HCN1: variants seen among roughly 807,000 people sequenced by gnomAD.
The protein encoded by HCN1 is potassium/sodium hyperpolarization-activated cyclic nucleotide-gated channel 1.
Under a neutral mutation model 78.9 loss-of-function variants are expected in HCN1, and 13 were observed. The ratio of observed to expected loss-of-function variants is 0.16; its 90% CI spans 0.11 to 0.26. The LOEUF is 0.26. Ranked by LOEUF, HCN1 falls within the 10% of genes least tolerant of loss-of-function variation. The pLI is 1.00. For missense variants in HCN1, 810 were observed against 1,154.3 expected, an observed-to-expected ratio of 0.70 and a Z score of 4.32; for synonymous variants, 552 against 455.5, an observed-to-expected ratio of 1.21 and a Z score of -2.70.
At chr5:45,387,455 T>A (rs1470439174) in intron 4 of HCN1, among the ~76,000 whole-genome samples, 1 of 152,124 alleles carries the variant, frequency 6.6e-6, no homozygotes, top group Non-Finnish European at 1.5e-5. Context: ...ATAAATATTT[T>A]ACATACTGAA....
At chr5:45,453,857 T>C (rs1365902076) in intron 3 of HCN1, among the ~76,000 whole-genome samples, 1 of 152,150 alleles carries the variant, frequency 6.6e-6, no homozygotes, top group African/African-American at 2.4e-5. Flanking sequence ...GAGAACTAAG[T>C]CTAGCAAATT....
intron 2 of HCN1, among the ~76,000 whole-genome samples, chr5:45,509,085 C>T (rs1188754780): frequency 6.6e-6 from 1 of 152,080 alleles, no homozygotes; most frequent in Non-Finnish European, 1.5e-5. Flanking sequence ...ATGACTGATA[C>T]ACAACATGCT....
chr5:45,588,342 T>C (rs538561762), intron 2 of HCN1, among the ~76,000 whole-genome samples: 1 of 152,314 alleles, frequency 6.6e-6, no homozygotes, highest in Non-Finnish European at 1.5e-5. Context: ...TTATGTTGCA[T>C]TGGCCACTCG....
At chr5:45,549,504 G>A (rs1212195293) in intron 2 of HCN1, among the ~76,000 whole-genome samples, 1 of 152,122 alleles carries the variant, frequency 6.6e-6, no homozygotes, top group Admixed American at 6.6e-5. Flanking sequence ...ATCCAAGATG[G>A]ATTAAAGACT....
chr5:45,456,932 G>A (rs1268586337), intron 3 of HCN1, among the ~76,000 whole-genome samples: 1 of 152,004 alleles, frequency 6.6e-6, no homozygotes, highest in African/African-American at 2.4e-5. Context: ...ATTATTTGAT[G>A]TAACTCCTCA....
intron 2 of HCN1, among the ~76,000 whole-genome samples, chr5:45,612,900 G>A (rs948914591): frequency 9.9e-5 from 15 of 152,084 alleles, no homozygotes; most frequent in Non-Finnish European, 7.4e-5. Context: ...ACTAAATATC[G>A]GAAGATGCAT....
chr5:45,311,472 T>G (rs1426678617), intron 5 of HCN1, among the ~76,000 whole-genome samples: 1 of 152,140 alleles, frequency 6.6e-6, no homozygotes, highest in Non-Finnish European at 1.5e-5. Context: ...AATTGATAAT[T>G]TTTGCTAATA....
At chr5:45,334,707 G>A (rs565253078) in intron 5 of HCN1, among the ~76,000 whole-genome samples, 46 of 152,004 alleles carry the variant, frequency 3.0e-4, no homozygotes, top group Admixed American at 1.4e-3. Flanking sequence ...CATGGACAAC[G>A]CTCTAGGCCA....
intron 2 of HCN1, among the ~76,000 whole-genome samples, chr5:45,588,050 G>C (rs548669775): frequency 2.4e-4 from 36 of 152,244 alleles, no homozygotes; most frequent in African/African-American, 8.4e-4. Flanking sequence ...CTTCAGAATT[G>C]TGAGAGATAC....
At chr5:45,440,275 G>A (rs1561155912) in intron 3 of HCN1, among the ~76,000 whole-genome samples, 1 of 151,972 alleles carries the variant, frequency 6.6e-6, no homozygotes, top group Non-Finnish European at 1.5e-5. Flanking sequence ...TTAGAATGTA[G>A]AACTCCCAGG....
chr5:45,449,266 C>A (rs777818831), intron 3 of HCN1, among the ~76,000 whole-genome samples: 1 of 152,120 alleles, frequency 6.6e-6, no homozygotes, highest in African/African-American at 2.4e-5. Context: ...ATAAGAGAAC[C>A]AGTAGAGGAA....
intron 1 of HCN1, among the ~76,000 whole-genome samples, chr5:45,692,947 C>T (rs548170783): frequency 6.6e-6 from 1 of 152,162 alleles, no homozygotes; most frequent in South Asian, 2.1e-4. Context: ...GTAATAACTC[C>T]CCACTCTTCA....
At chr5:45,651,303 A>G (rs1326820617) in intron 1 of HCN1, among the ~76,000 whole-genome samples, 2 of 152,034 alleles carry the variant, frequency 1.3e-5, no homozygotes, top group African/African-American at 4.8e-5. Context: ...ATACAGCCAT[A>G]GTGTGCTGCT....
At chr5:45,281,742 C>A (rs1745173354) in intron 6 of HCN1, among the ~76,000 whole-genome samples, 1 of 151,620 alleles carries the variant, frequency 6.6e-6, no homozygotes, top group Non-Finnish European at 1.5e-5. Flanking sequence ...TGCCCGCCAC[C>A]ACGCCCGGGG....
At chr5:45,590,484 A>C (rs1174404967) in intron 2 of HCN1, among the ~76,000 whole-genome samples, 1 of 152,138 alleles carries the variant, frequency 6.6e-6, no homozygotes, top group African/African-American at 2.4e-5. Context: ...CAGTTGATGA[A>C]TCTACATTGA....
At chr5:45,352,515 A>T (rs1015978660) in intron 5 of HCN1, among the ~76,000 whole-genome samples, 2 of 152,148 alleles carry the variant, frequency 1.3e-5, no homozygotes, top group Non-Finnish European at 2.9e-5. Context: ...CCTAAAACTT[A>T]AAGTATAATA....
chr5:45,482,341 CTAGAGGTA>C (rs1181351714), intron 2 of HCN1, among the ~76,000 whole-genome samples: 2 of 152,148 alleles, frequency 1.3e-5, no homozygotes, highest in Non-Finnish European at 2.9e-5. Context: ...TTCATGTGGA[CTAGAGGTA>C]TATTCTCAAC....
At chr5:45,353,057 A>G in intron 5 of HCN1, 43 bp downstream of exon 5, 1 of 1,511,108 alleles carries the variant, frequency 6.6e-7, no homozygotes, top group Non-Finnish European at 9.2e-7. Context: ...GAGAAAATAA[A>G]CAATGATTAT....
intron 2 of HCN1, among the ~76,000 whole-genome samples, chr5:45,488,221 T>C (rs1015760765): frequency 2.0e-5 from 3 of 152,130 alleles, no homozygotes; most frequent in African/African-American, 7.2e-5. Flanking sequence ...CTTATGCTTC[T>C]TTTAATTTTT....
Sources: allele counts gnomAD v4.1 joint callset (sites outside exome capture counted in the v4.1 genomes callset), GRCh38; gene constraint gnomAD v4.1.1; transcripts MANE v1.5; gene names NCBI Gene and HGNC (gene_info 2026-07-23, HGNC 2026-07-21).